HMMR: variants seen among roughly 807,000 people sequenced by gnomAD.
HMMR encodes hyaluronan mediated motility receptor, also known as intracellular hyaluronic acid-binding protein.
In HMMR, 108 loss-of-function variants were observed where a neutral mutation model predicts 101.0. The ratio of observed to expected loss-of-function variants is 1.07; its 90% CI spans 0.92 to 1.25. HMMR has a LOEUF of 1.25. Among genes scored for constraint, HMMR ranks in the 50% most tolerant of loss-of-function variants. The pLI, the probability that HMMR is intolerant of heterozygous loss-of-function variation, is 0.00. For synonymous variants in HMMR, 296 were observed against 276.4 expected, an observed-to-expected ratio of 1.07 and a Z score of -0.70; for missense variants, 813 against 788.7, an observed-to-expected ratio of 1.03 and a Z score of -0.37.
At position 163,482,774 on chromosome 5, in the gene HMMR, T is replaced by C; in HGVS notation, c.1518T>C (p.Asn506=). The change falls in exon 13 of 18, where the codon AAT becomes AAC. Residue 506 remains asparagine, a synonymous_variant. Transcript: ENST00000393915. ...AGATTTTGGCAACTGAGAGCTCAAA[T>C]CAAGAATATGTAAGGTATATAGAGC... is the stretch of plus-strand genomic sequence containing the variant. ...QHQILATESS[N]QEYVRMLLDL... is the part of the protein sequence containing the mutation. 6 of 1,613,708 alleles carry C rather than the reference T, an allele frequency of 3.7e-6. No homozygotes were observed. Among genetic ancestry groups the C allele is most frequent in the Non-Finnish European group, 5.1e-6 (6 of 1,179,710 alleles).
At chr5:163,471,100 T>G (rs971400872) in intron 5 of HMMR, 85 bp from the exon 6 acceptor site, 2 of 804,278 alleles carry the variant, frequency 2.5e-6, no homozygotes, top group Non-Finnish European at 4.1e-6. Context: ...ACCCCAGTGA[T>G]AGGTAGAAAA....
chr5:163,485,614 A>G (rs375169916), intron 16 of HMMR, among the ~76,000 whole-genome samples: 2 of 152,100 alleles, frequency 1.3e-5, no homozygotes, highest in East Asian at 1.9e-4. Flanking sequence ...CATTCTGTGC[A>G]TTGTCTTTTC....
Position 163,491,350 on chromosome 5 carries a change from C to T in HMMR, c.*186C>T, listed in dbSNP as rs914714641. ...TTTTATTTTTTCTTGCAAATACCTC[C>T]TCCCTAATGCTCACCTTTATCACCT... On this transcript the variant is annotated 3_prime_UTR_variant, in exon 18 of 18. Coordinates refer to ENST00000393915, the MANE Select transcript of HMMR (RefSeq NM_001142556.2). 4.1e-6 allele frequency: 2 copies of T among 485,092 alleles called. No individual in the cohort carries two copies. The highest frequency in any genetic ancestry group is 2.0e-5 in the African/African-American group (1 of 48,996). 30.0% of individuals were successfully genotyped at this position (485,092 alleles called of 1,614,324 possible). A position where few individuals can be genotyped will look rare whatever the true frequency, so the allele number is the denominator to read the frequency against.
intron 9 of HMMR, 26 bp from the exon 10 acceptor site, chr5:163,474,031 T>TA (rs1314528614): frequency 3.1e-6 from 5 of 1,587,530 alleles, no homozygotes; most frequent in African/African-American, 1.4e-5. Context: ...CTAATTCCAG[T>TA]ATTCTTGATG....
At chr5:163,479,505 T>C (rs1759185490) in intron 12 of HMMR, among the ~76,000 whole-genome samples, 4 of 151,728 alleles carry the variant, frequency 2.6e-5, no homozygotes, top group Non-Finnish European at 4.4e-5. Context: ...ACCTTGTTTC[T>C]ACAAAAAAAA....
In HMMR at chr5:163,474,048, G is replaced by T. The variant is rs376582749; in HGVS notation, c.905-9G>T. 2.1e-5 allele frequency: 34 copies of T among 1,602,498 alleles called. No homozygotes were observed. The highest frequency in any genetic ancestry group is 2.8e-5 in the Non-Finnish European group (33 of 1,174,606). Reference sequence around the variant, plus strand: ...AATTCCAGTATTCTTGATGTTTTGCGTTTTCTAGAAGACCATGTCAACAGG... The same window carrying T: ...AATTCCAGTATTCTTGATGTTTTGCTTTTTCTAGAAGACCATGTCAACAGG... On this transcript the variant is annotated splice_polypyrimidine_tract_variant and intron_variant, in intron 9 of 17. Coordinates refer to ENST00000393915, the MANE Select transcript of HMMR (RefSeq NM_001142556.2).
rs1258632811 is a variant in HMMR at position 163,483,367 on chromosome 5, G to A, written c.1785G>A (p.Gln595=). 2.0e-6 allele frequency: 3 copies of A among 1,531,830 alleles called. No homozygotes were observed. Among genetic ancestry groups the A allele is most frequent in the Admixed American group, 1.7e-5 (1 of 57,694 alleles). The allele number at this position is 1,531,830 out of a possible 1,614,324, so 94.9% of individuals were successfully genotyped here. ...TATATAATAAAACAAAACCTTTTCA[G>A]GTTTGTCAGTTAGGAGTAAACTTAC... is the stretch of plus-strand genomic sequence containing the variant. ...EELYNKTKPF[Q]LQLDAFEVEK... is the part of the protein sequence containing the mutation. Residue 595 remains glutamine (Q), a splice_region_variant and synonymous_variant, in exon 15 of 18, where the codon CAG becomes CAA. Transcript: ENST00000393915.
Position 163,490,372 on chromosome 5 carries a change from T to C in HMMR, c.1963-18T>C. 1 of 1,489,670 alleles carries C rather than the reference T, an allele frequency of 6.7e-7. No individual in the cohort carries two copies. Among genetic ancestry groups the C allele is most frequent in the Non-Finnish European group, 9.2e-7 (1 of 1,092,560 alleles). The allele number at this position is 1,489,670 out of a possible 1,614,324, so 92.3% of individuals were successfully genotyped here. A position where few individuals can be genotyped will look rare whatever the true frequency, so the allele number is the denominator to read the frequency against. Reference sequence around the variant, plus strand: ...CTCTTTAATAATTGTTTATTACCTATTATTTCTTTTTACCTAGGAAGTATC... The same window carrying C: ...CTCTTTAATAATTGTTTATTACCTACTATTTCTTTTTACCTAGGAAGTATC... On this transcript the variant is annotated intron_variant, in intron 16 of 17. Coordinates refer to ENST00000393915, the MANE Select transcript of HMMR (RefSeq NM_001142556.2).
At chr5:163,490,004 G>T (rs11135259) in intron 16 of HMMR, among the ~76,000 whole-genome samples, 4,957 of 152,224 alleles carry the variant, frequency 0.033, 236 homozygotes, top group African/African-American at 0.11. Flanking sequence ...TTCTTCATTT[G>T]CTATTTTTCC....
At chr5:163,485,667 G>T (rs144884088) in intron 16 of HMMR, among the ~76,000 whole-genome samples, 2 of 152,048 alleles carry the variant, frequency 1.3e-5, no homozygotes, top group African/African-American at 4.8e-5. Context: ...CTTTTATGAC[G>T]TCCAGTGTGT....
intron 3 of HMMR, among the ~76,000 whole-genome samples, chr5:163,466,827 T>A (rs192956321): frequency 1.3e-5 from 2 of 152,302 alleles, no homozygotes; most frequent in Admixed American, 6.5e-5. Flanking sequence ...ACTAGAAAAA[T>A]TTAAATGCAT....
At position 163,478,749 on chromosome 5, in the gene HMMR, A is replaced by T. The variant is rs1471956530; in HGVS notation, c.1334A>T (p.Lys445Met). 1 of 1,613,150 alleles carries T rather than the reference A, an allele frequency of 6.2e-7. No homozygotes were observed. The highest frequency in any genetic ancestry group is 8.5e-7 in the Non-Finnish European group (1 of 1,179,108). The change falls in exon 12 of 18, where the codon AAG becomes ATG. Residue 445 changes from lysine (K) to methionine (M), a missense_variant. Physicochemically the swap from Lys to Met is moderately conservative, Grantham distance 95. Transcript: ENST00000393915. ...HTQATLLLQEKYDSMVQSLED... is the reference protein window; with the variant it reads ...HTQATLLLQEMYDSMVQSLED... ...CAGGCCACCCTGCTTTTGCAGGAAAAGTATGACAGTATGGTGCAAAGCCTT... is the reference window on the plus strand; with the variant it reads ...CAGGCCACCCTGCTTTTGCAGGAAATGTATGACAGTATGGTGCAAAGCCTT...
At chr5:163,473,332 C>T (rs1758957711) in intron 8 of HMMR, 47 bp from the exon 9 acceptor site, 1 of 1,530,780 alleles carries the variant, frequency 6.5e-7, no homozygotes, top group African/African-American at 1.4e-5. Flanking sequence ...GTTATTTTCC[C>T]TGTGCCTAAA....
At chr5:163,481,418 C>G (rs1759255098) in intron 12 of HMMR, among the ~76,000 whole-genome samples, 1 of 152,084 alleles carries the variant, frequency 6.6e-6, no homozygotes, top group Admixed American at 6.5e-5. Flanking sequence ...ATTTTAGTCA[C>G]TATCCATATA....
At chr5:163,489,647 C>T (rs117386462) in intron 16 of HMMR, among the ~76,000 whole-genome samples, 2 of 152,250 alleles carry the variant, frequency 1.3e-5, no homozygotes, top group East Asian at 3.9e-4. Flanking sequence ...AAAGAGTCAT[C>T]GGGGCCCAGC....
intron 3 of HMMR, among the ~76,000 whole-genome samples, chr5:163,466,176 G>A (rs1046452182): frequency 2.0e-5 from 3 of 151,998 alleles, no homozygotes; most frequent in Non-Finnish European, 1.5e-5. Context: ...TGAGGCAGGA[G>A]AACTGCTTGA....
At chr5:163,465,797 T>G (rs1411080284) in intron 3 of HMMR, among the ~76,000 whole-genome samples, 1 of 150,166 alleles carries the variant, frequency 6.7e-6, no homozygotes, top group Non-Finnish European at 1.5e-5. Context: ...CCATCTCTAC[T>G]AAAAAATACA....
At chr5:163,472,566 T>C (rs1758933049) in intron 7 of HMMR, among the ~76,000 whole-genome samples, 1 of 152,182 alleles carries the variant, frequency 6.6e-6, no homozygotes, top group African/African-American at 2.4e-5. Flanking sequence ...TGTATGATAG[T>C]TTCAGTTGTT....
chr5:163,481,952 G>T (rs1759281109), intron 12 of HMMR, among the ~76,000 whole-genome samples: 2 of 151,962 alleles, frequency 1.3e-5, no homozygotes. Context: ...TTTCGCTCTT[G>T]TTGCCCAGGC....
Sources: gnomAD v4.1 joint callset for allele counts (sites outside exome capture counted in the v4.1 genomes callset) on GRCh38, gnomAD v4.1.1 for gene constraint, MANE v1.5 for transcripts, NCBI Gene and HGNC (gene_info 2026-07-23, HGNC 2026-07-21) for gene names.